SDK1: variants seen among roughly 807,000 people sequenced by gnomAD.
SDK1 encodes sidekick cell adhesion molecule 1.
Under a neutral mutation model 245.5 loss-of-function variants are expected in SDK1, and 157 were observed. The ratio of observed to expected loss-of-function variants is 0.64; its 90% CI spans 0.56 to 0.73. The LOEUF is 0.73. SDK1 is among the 30% of genes least tolerant of loss of function. The pLI is 0.00. For synonymous variants in SDK1, 1,647 were observed against 1,278.5 expected (o/e 1.29, Z -6.15); for missense variants, 3,583 against 3,002.3 (o/e 1.19, Z -4.52).
In SDK1 at chr7:3,683,934, T is replaced by A. The variant is rs191197368; in HGVS notation, c.713+41829T>A. ...AATGTGTTGGCCACTCCTGTCCCAA[T>A]GCAGCCACACAGGAATGAGAAAAGC... On this transcript the variant is annotated intron_variant, in intron 4 of 44. Transcript: ENST00000404826. Among the ~76,000 whole-genome samples, 44 of 152,316 alleles carry A rather than the reference T, an allele frequency of 2.9e-4. No individual in the cohort carries two copies. In the East Asian group the frequency reaches 4.8e-3, roughly 17 times the overall value.
intron 4 of SDK1, among the ~76,000 whole-genome samples, chr7:3,767,289 C>T (rs961565113): frequency 6.6e-6 from 1 of 151,968 alleles, no homozygotes; most frequent in Admixed American, 6.6e-5. Flanking sequence ...GGTGAGTTGA[C>T]CCAGGGACTA....
intron 4 of SDK1, among the ~76,000 whole-genome samples, chr7:3,723,508 T>C (rs182975863): frequency 4.9e-4 from 75 of 152,290 alleles, no homozygotes; most frequent in African/African-American, 1.6e-3. Flanking sequence ...GTAGCAAAAT[T>C]AGAAACATCA....
intron 5 of SDK1, among the ~76,000 whole-genome samples, chr7:3,897,324 A>G (rs984753883): frequency 2.0e-5 from 3 of 152,152 alleles, no homozygotes; most frequent in African/African-American, 7.2e-5. Context: ...AGCTTGCTCA[A>G]CTGGAAGCTC....
chr7:3,972,909 A>G (rs547516593), intron 12 of SDK1, among the ~76,000 whole-genome samples: 2 of 152,292 alleles, frequency 1.3e-5, no homozygotes, highest in South Asian at 2.1e-4. Flanking sequence ...GTGAAAGACG[A>G]CCTAGGACCC....
chr7:4,093,458 C>CAAAAAAAAAAAAAA (rs71032922), intron 22 of SDK1, among the ~76,000 whole-genome samples: 14 of 77,730 alleles, frequency 1.8e-4, no homozygotes, highest in East Asian at 1.3e-3. Flanking sequence ...AAATGGAAAG[C>CAAAAAAAAAAAAAA]AAAAAAAAAA....
chr7:3,388,050 A>G (rs1781653628), intron 1 of SDK1, among the ~76,000 whole-genome samples: 1 of 152,164 alleles, frequency 6.6e-6, no homozygotes, highest in Non-Finnish European at 1.5e-5. Flanking sequence ...ATTTTATTCT[A>G]TATTTATGTT....
intron 17 of SDK1, among the ~76,000 whole-genome samples, chr7:4,022,952 T>C (rs1239086739): frequency 2.0e-5 from 3 of 151,902 alleles, no homozygotes; most frequent in Non-Finnish European, 4.4e-5. Flanking sequence ...TTTTTTTGTA[T>C]TTTATTAGAG....
At chr7:4,158,195 C>T (rs1211505797) in intron 30 of SDK1, among the ~76,000 whole-genome samples, 5 of 152,206 alleles carry the variant, frequency 3.3e-5, no homozygotes, top group East Asian at 3.9e-4. Context: ...GGATTTCAAC[C>T]GTCCAGGTGT....
intron 1 of SDK1, among the ~76,000 whole-genome samples, chr7:3,466,308 A>ATGT (rs1385846909): frequency 1.3e-5 from 2 of 151,576 alleles, no homozygotes; most frequent in East Asian, 3.9e-4. Flanking sequence ...CACAAGTGAG[A>ATGT]TGTTCCATCC....
chr7:3,364,507 A>G (rs1042792793), intron 1 of SDK1, among the ~76,000 whole-genome samples: 65 of 152,096 alleles, frequency 4.3e-4, no homozygotes, highest in African/African-American at 1.4e-3. Context: ...TGGATATGCA[A>G]TTGCTCCTGC....
chr7:3,970,414 C>G (rs569754649), intron 11 of SDK1, among the ~76,000 whole-genome samples: 1 of 152,296 alleles, frequency 6.6e-6, no homozygotes, highest in Admixed American at 6.5e-5. Context: ...TAAAAAGCAG[C>G]TTTTGTTCCA....
chr7:3,843,537 T>C (rs1001512971), intron 5 of SDK1, among the ~76,000 whole-genome samples: 9 of 152,258 alleles, frequency 5.9e-5, no homozygotes, highest in Admixed American at 5.2e-4. Context: ...TTAGTTTTAA[T>C]TCATTTTTCA....
intron 7 of SDK1, among the ~76,000 whole-genome samples, chr7:3,952,804 C>G (rs1780936818): frequency 6.6e-6 from 1 of 151,986 alleles, no homozygotes; most frequent in South Asian, 2.1e-4. Flanking sequence ...GCTCTAAATG[C>G]TGGAAACTAT....
intron 1 of SDK1, among the ~76,000 whole-genome samples, chr7:3,576,685 G>A (rs544105137): frequency 6.6e-6 from 1 of 151,996 alleles, no homozygotes; most frequent in Non-Finnish European, 1.5e-5. Context: ...CTTATGCATG[G>A]TGTGTATGTG....
intron 4 of SDK1, among the ~76,000 whole-genome samples, chr7:3,683,644 T>C (rs1864839): frequency 0.95 from 144,566 of 152,094 alleles, 68,832 homozygotes; most frequent in African/African-American, 0.99. Flanking sequence ...GCGCCTAACA[T>C]GGCAAGCGTG....
At position 4,114,093 on chromosome 7, in the gene SDK1, G is replaced by T; in HGVS notation, c.3642G>T (p.Lys1214Asn). 6.2e-7 allele frequency: 1 copy of T among 1,614,244 alleles called. No homozygotes were observed. Among genetic ancestry groups the T allele is most frequent in the Non-Finnish European group, 8.5e-7 (1 of 1,180,044 alleles). Reference sequence around the variant, plus strand: ...CCGAGTCCGTGGGCTACAGGATTAAGTACTGGCGCTCAGACCTCCAGTCCT... The same window carrying T: ...CCGAGTCCGTGGGCTACAGGATTAATTACTGGCGCTCAGACCTCCAGTCCT... The part of the protein sequence containing the change: ...GNPESVGYRI[K>N]YWRSDLQSSA... The change falls in exon 25 of 45, where the codon AAG becomes AAT. Residue 1214 changes from lysine to asparagine, a missense_variant. By Grantham distance (94) the Lys-to-Asn change is moderately conservative. Coordinates refer to ENST00000404826, the MANE Select transcript of SDK1 (RefSeq NM_152744.4).
chr7:4,149,267 C>T lies in SDK1; in HGVS notation c.4429C>T (p.Pro1477Ser), dbSNP rs1416684839. ...CTGTCCTCATTTGGTTGCAGAGCGG[C>T]CGGCACCCCCCAGAGAGCTCCTGGT... ...TVITTEKRER[P>S]APPRELLVPQ... Residue 1477 changes from proline to serine, a missense_variant, in exon 30 of 45, where the codon CCG becomes TCG. Physicochemically the swap from Pro to Ser is moderately conservative, Grantham distance 74. Transcript: ENST00000404826. The T allele has an allele frequency of 1.3e-6, 2 of 1,520,546 alleles. No individual in the cohort carries two copies. Among genetic ancestry groups the T allele is most frequent in the African/African-American group, 1.4e-5 (1 of 71,154 alleles). The allele number at this position is 1,520,546 out of a possible 1,614,324, so 94.2% of individuals were successfully genotyped here.
In SDK1 at chr7:4,034,170, T is replaced by C. The variant is rs371887867; in HGVS notation, c.2603-15178T>C. On this transcript the variant is annotated intron_variant, in intron 17 of 44. Transcript: ENST00000404826. ...AGATGGACTCAAACTAGGAACATAT[T>C]GCACAAGAAATTGGACGGCAGCCTC... Among the ~76,000 whole-genome samples the C allele has an allele frequency of 1.6e-4, 25 of 152,330 alleles. No individual in the cohort carries two copies. In the East Asian group the frequency reaches 2.5e-3, roughly 15 times the overall value.
At chr7:3,426,713 C>T (rs1779688648) in intron 1 of SDK1, among the ~76,000 whole-genome samples, 1 of 152,236 alleles carries the variant, frequency 6.6e-6, no homozygotes, top group African/African-American at 2.4e-5. Flanking sequence ...GCCCTCATGG[C>T]CATAGCCTTA....
Sources: gnomAD v4.1 joint callset for allele counts (sites outside exome capture counted in the v4.1 genomes callset) on GRCh38, gnomAD v4.1.1 for gene constraint, MANE v1.5 for transcripts, NCBI Gene and HGNC (gene_info 2026-07-23, HGNC 2026-07-21) for gene names.